Variants in TCF12 observed in about 807,000 individuals in gnomAD.
The protein encoded by TCF12 is DNA-binding protein HTF4.
Under a neutral mutation model 86.0 loss-of-function variants are expected in TCF12, and 45 were observed. The ratio of observed to expected loss-of-function variants is 0.52; its 90% CI spans 0.41 to 0.67. The LOEUF (loss-of-function observed/expected upper bound fraction) is 0.67, where lower values mean the gene tolerates loss of function less well. TCF12 is among the 30% of genes least tolerant of loss of function. The probability of loss-of-function intolerance (pLI) is 0.00; values close to 1 mark genes in which losing one functional copy is unlikely to be tolerated. For missense variants in TCF12, 881 were observed against 859.9 expected (o/e 1.02, Z -0.31); for synonymous variants, 330 against 299.6 (o/e 1.10, Z -1.05).
chr15:56,972,185 C>T (rs942674496), intron 3 of TCF12, among the ~76,000 whole-genome samples: 1 of 152,188 alleles, frequency 6.6e-6, no homozygotes, highest in Non-Finnish European at 1.5e-5. Context: ...CATTCCTGTA[C>T]ATTGCTAATG....
chr15:57,002,139 A>G (rs1156994754), intron 3 of TCF12, among the ~76,000 whole-genome samples: 2 of 152,210 alleles, frequency 1.3e-5, no homozygotes, highest in East Asian at 1.9e-4. Context: ...TAGTAGCTCT[A>G]AAAGACTAAA....
intron 3 of TCF12, among the ~76,000 whole-genome samples, chr15:56,937,201 A>G (rs2060506454): frequency 6.6e-6 from 1 of 152,092 alleles, no homozygotes; most frequent in African/African-American, 2.4e-5. Context: ...TTGGTTAGGT[A>G]TATTCCTAAG....
intron 5 of TCF12, among the ~76,000 whole-genome samples, chr15:57,157,473 A>T (rs2151489663): frequency 6.6e-6 from 1 of 152,290 alleles, no homozygotes; most frequent in African/African-American, 2.4e-5. Context: ...ATCAAGGACA[A>T]TTTAGAATAT....
chr15:57,191,139 C>T (rs1302569252), intron 6 of TCF12, among the ~76,000 whole-genome samples: 1 of 152,166 alleles, frequency 6.6e-6, no homozygotes, highest in East Asian at 1.9e-4. Context: ...GAGGAGGACT[C>T]TCAAACCCAT....
At chr15:57,216,666 G>A (rs1566929608) in intron 8 of TCF12, among the ~76,000 whole-genome samples, 1 of 151,486 alleles carries the variant, frequency 6.6e-6, no homozygotes, top group South Asian at 2.1e-4. Context: ...TTCTCCTTAG[G>A]ACAAGAAATT....
chr15:57,115,347 A>T (rs2050766388), intron 5 of TCF12, among the ~76,000 whole-genome samples: 1 of 152,220 alleles, frequency 6.6e-6, no homozygotes, highest in African/African-American at 2.4e-5. Context: ...TATGAAGAAA[A>T]ACAGGTAATT....
At chr15:57,080,928 A>G (rs2070584851) in intron 4 of TCF12, among the ~76,000 whole-genome samples, 2 of 152,144 alleles carry the variant, frequency 1.3e-5, no homozygotes, top group African/African-American at 4.8e-5. Flanking sequence ...ATCCCAGAAG[A>G]CTACTGTACC....
At chr15:57,077,323 ATATATGTGTGTGTGTGTGTGTGTGTG>A (rs1487479240) in intron 4 of TCF12, among the ~76,000 whole-genome samples, 2 of 35,684 alleles carry the variant, frequency 5.6e-5, no homozygotes, top group African/African-American at 2.7e-4. Context: ...ATATATGTAT[ATATATGTGTGTGTGTGTGTGTGTGTG>A]TGTGTGTGTG....
intron 1 of TCF12, chr15:56,919,170 C>T (rs1217179444): frequency 1.3e-5 from 2 of 151,852 alleles, no homozygotes; most frequent in East Asian, 3.9e-4. Context: ...CGCCCAGGCT[C>T]CGGGGCGCGC....
At chr15:57,202,992 CAA>C (rs370730804) in intron 8 of TCF12, among the ~76,000 whole-genome samples, 1 of 151,338 alleles carries the variant, frequency 6.6e-6, no homozygotes, top group African/African-American at 2.4e-5. Context: ...GAAAAGCAAA[CAA>C]AAAAAAGTTT....
At position 56,932,125 on chromosome 15, in the gene TCF12, T is replaced by C. The variant is rs112584571; in HGVS notation, c.148+11027T>C. 9.5e-4 allele frequency among the ~76,000 whole-genome samples: 144 copies of C among 152,306 alleles called. 4 individuals are homozygous for C. Among genetic ancestry groups the C allele is most frequent in the African/African-American group, 3.4e-3 (142 of 41,574 alleles). ...CTCTGGAGACTTGCCAAATAAGTTATAATAGCAGTAGGACTTTGTCCACTG... is the reference window on the plus strand; with the variant it reads ...CTCTGGAGACTTGCCAAATAAGTTACAATAGCAGTAGGACTTTGTCCACTG... On this transcript the variant is annotated intron_variant, in intron 3 of 20. Transcript: ENST00000333725.
intron 8 of TCF12, among the ~76,000 whole-genome samples, chr15:57,229,620 C>T (rs1440309695): frequency 3.3e-5 from 5 of 151,826 alleles, no homozygotes; most frequent in Middle Eastern, 6.8e-3. Context: ...TCATGTTAGA[C>T]GAAAACTGTA....
intron 8 of TCF12, among the ~76,000 whole-genome samples, chr15:57,220,889 A>G (rs1175160497): frequency 6.6e-6 from 1 of 152,162 alleles, no homozygotes; most frequent in African/African-American, 2.4e-5. Flanking sequence ...ATATGGGCTT[A>G]GTGAAGGGGG....
chr15:57,088,417 C>G (rs550315769), intron 4 of TCF12, among the ~76,000 whole-genome samples: 1 of 152,208 alleles, frequency 6.6e-6, no homozygotes, highest in African/African-American at 2.4e-5. Flanking sequence ...TATTTGACAG[C>G]TAAGCTACCT....
At chr15:57,264,243 C>G (rs1204635400) in intron 18 of TCF12, among the ~76,000 whole-genome samples, 1 of 88,904 alleles carries the variant, frequency 1.1e-5, no homozygotes, top group Non-Finnish European at 2.0e-5. Context: ...CTCTCTCGCC[C>G]AGGCTGGAAT....
intron 5 of TCF12, among the ~76,000 whole-genome samples, chr15:57,121,712 G>A (rs896581053): frequency 3.9e-5 from 6 of 152,124 alleles, no homozygotes; most frequent in Non-Finnish European, 7.4e-5. Context: ...CTTAATCTTA[G>A]ACTTCTCAGT....
In TCF12 at chr15:56,954,083, G is replaced by A. The variant is rs544976625; in HGVS notation, c.148+32985G>A. Among the ~76,000 whole-genome samples the A allele has an allele frequency of 1.1e-4, 16 of 151,804 alleles. No individual in the cohort carries two copies. In the South Asian group the frequency reaches 3.3e-3, roughly 32 times the overall value. On this transcript the variant is annotated intron_variant, in intron 3 of 20. Transcript: ENST00000333725. ...TTTTCTCCTAAGTTCAGCTTTAGTA[G>A]CATTACAGCAATTTTGATATATTGG...
At chr15:57,109,617 G>C (rs1353789442) in intron 5 of TCF12, among the ~76,000 whole-genome samples, 2 of 152,092 alleles carry the variant, frequency 1.3e-5, no homozygotes, top group African/African-American at 4.8e-5. Flanking sequence ...AATTAGTTCA[G>C]ATTATTTATC....
At chr15:57,188,203 A>G (rs1567592233) in intron 6 of TCF12, among the ~76,000 whole-genome samples, 1 of 152,210 alleles carries the variant, frequency 6.6e-6, no homozygotes, top group Non-Finnish European at 1.5e-5. Flanking sequence ...ATACCTAAGA[A>G]TTAATTTAAT....
Sources: allele counts gnomAD v4.1 joint callset (sites outside exome capture counted in the v4.1 genomes callset), GRCh38; gene constraint gnomAD v4.1.1; transcripts MANE v1.5; gene names NCBI Gene and HGNC (gene_info 2026-07-23, HGNC 2026-07-21).